Variants in TMEM239 observed in about 807,000 individuals in gnomAD.
The protein encoded by TMEM239 is transmembrane protein 239.
Under a neutral mutation model 14.6 loss-of-function variants are expected in TMEM239, and 10 were observed. That is an observed-to-expected ratio of 0.68 (90% CI 0.42 to 1.16). The LOEUF is 1.16. Among genes scored for constraint, TMEM239 ranks in the 50% most tolerant of loss-of-function variants. The pLI is 0.00. For synonymous variants in TMEM239, 94 were observed against 89.9 expected (o/e 1.05, Z -0.26); for missense variants, 183 against 194.4 (o/e 0.94, Z 0.35).
rs143915598 is a variant in TMEM239 at position 2,817,093 on chromosome 20, T to C, written c.*80T>C. The C allele has an allele frequency of 2.1e-3, 3,222 of 1,504,188 alleles. 4 individuals carry two copies. The highest frequency in any genetic ancestry group is 2.7e-3 in the Non-Finnish European group (2,984 of 1,126,026). 93.2% of individuals were successfully genotyped at this position (1,504,188 alleles called of 1,614,324 possible). A position where few individuals can be genotyped will look rare whatever the true frequency, so the allele number is the denominator to read the frequency against. On this transcript the variant is annotated 3_prime_UTR_variant, in exon 2 of 2. Transcript: ENST00000380585. ...GACCCCACGGGGAGAGGGAGGGCAATGGGATCAGGGCTCCCTGCCTTGGCA... is the reference window on the plus strand; with the variant it reads ...GACCCCACGGGGAGAGGGAGGGCAACGGGATCAGGGCTCCCTGCCTTGGCA...
rs2088692996 is a variant in TMEM239, at chr20:2,817,588, C to G, written c.*575C>G. On this transcript the variant is annotated 3_prime_UTR_variant, in exon 2 of 2. Transcript: ENST00000380585. Reference sequence around the variant, plus strand: ...CCTTGCAGCCCACGCATCCTCCTCCCTAGACTTCCTACTTCCTGCCTCAGT... The same window carrying G: ...CCTTGCAGCCCACGCATCCTCCTCCGTAGACTTCCTACTTCCTGCCTCAGT... The G allele has an allele frequency of 6.3e-6, 1 of 157,786 alleles. No homozygotes were observed. The highest frequency in any genetic ancestry group is 1.4e-5 in the Non-Finnish European group (1 of 71,510). 9.8% of individuals were successfully genotyped at this position (157,786 alleles called of 1,614,324 possible).
At chr20:2,815,944 G>C, upstream of TMEM239, 1 of 665,102 alleles carries the variant, frequency 1.5e-6, no homozygotes, top group Non-Finnish European at 2.6e-6. Flanking sequence ...CTGAGTCTTT[G>C]GGCAGCAAGA....
chr20:2,816,714 T>C lies in TMEM239; in HGVS notation c.160T>C (p.Trp54Arg), dbSNP rs1445833292. ...SWIQWWSTSN[W>R]RQPLQRLLWG... ...GATCCAGTGGTGGAGCACCTCGAACTGGCGGCAACCGCTGCAGCGCCTGCT... is the reference window on the plus strand; with the variant it reads ...GATCCAGTGGTGGAGCACCTCGAACCGGCGGCAACCGCTGCAGCGCCTGCT... The change falls in exon 2 of 2, where the codon TGG becomes CGG. Residue 54 changes from tryptophan (W) to arginine (R), a missense_variant. Physicochemically the swap from Trp to Arg is moderately radical, Grantham distance 101. Transcript: ENST00000380585. 3 of 1,547,718 alleles carry C rather than the reference T, an allele frequency of 1.9e-6. No individual in the cohort carries two copies. The East Asian group carries it at 7.3e-5, about 38-fold the overall frequency.
upstream of TMEM239, among the ~76,000 whole-genome samples, chr20:2,816,102 G>A (rs936645979): frequency 3.3e-5 from 5 of 152,170 alleles, no homozygotes; most frequent in African/African-American, 1.2e-4. Flanking sequence ...AGTTTGGAAA[G>A]GGGTGGATAT....
upstream of TMEM239, chr20:2,815,823 C>G: frequency 6.7e-7 from 1 of 1,498,324 alleles, no homozygotes. Flanking sequence ...AATGACCACC[C>G]TTCTTCATCA....
At chr20:2,816,481 C>G (rs546590294) in intron 1 of TMEM239, 63 bp from the exon 2 acceptor site, 1 of 1,493,186 alleles carries the variant, frequency 6.7e-7, no homozygotes, top group South Asian at 1.2e-5. Context: ...GACCCCTGCA[C>G]CCCCTCTCTG....
chr20:2,819,392 T>A (rs1288242614), downstream of TMEM239: 1 of 152,166 alleles, frequency 6.6e-6, no homozygotes, highest in Non-Finnish European at 1.5e-5. Flanking sequence ...TGATGGGCAA[T>A]ACTCATCAAA....
At chr20:2,818,593 C>T (rs2088700452), downstream of TMEM239, 1 of 152,308 alleles carries the variant, frequency 6.6e-6, no homozygotes, top group South Asian at 2.1e-4. Context: ...CTTTCTGTTT[C>T]TTTGTATTTC....
In TMEM239 at chr20:2,817,481, G is replaced by A. The variant is rs1476992884; in HGVS notation, c.*468G>A. Reference sequence around the variant, plus strand: ...ACTTCCAGGAGAACCACAGACTCTAGAGAGGGTCCCAGTGACAAAAATCTA... The same window carrying A: ...ACTTCCAGGAGAACCACAGACTCTAAAGAGGGTCCCAGTGACAAAAATCTA... On this transcript the variant is annotated 3_prime_UTR_variant, in exon 2 of 2. Coordinates refer to ENST00000380585, the MANE Select transcript of TMEM239 (RefSeq NM_001167670.3). The A allele has an allele frequency of 9.9e-6, 2 of 202,390 alleles. No homozygotes were observed. The highest frequency in any genetic ancestry group is 2.0e-5 in the Non-Finnish European group (2 of 98,928). The allele number at this position is 202,390 out of a possible 1,614,324, so 12.5% of individuals were successfully genotyped here.
downstream of TMEM239, chr20:2,820,196 G>A (rs2088709984): frequency 6.6e-6 from 1 of 150,378 alleles, no homozygotes; most frequent in Non-Finnish European, 1.5e-5. Flanking sequence ...TAAACAGAAT[G>A]GAATGGACAA....
upstream of TMEM239, chr20:2,815,817 A>G: frequency 2.6e-6 from 4 of 1,522,786 alleles, no homozygotes; most frequent in Non-Finnish European, 3.6e-6. Flanking sequence ...ATATACAATG[A>G]CCACCCTTCT....
chr20:2,817,605 T>TGC lies in TMEM239; in HGVS notation c.*593_*594dup, dbSNP rs2088693267. The stretch of plus-strand genomic sequence containing the variant: ...CCTCCTCCCTAGACTTCCTACTTCC[T>TGC]GCCTCAGTCTGCATCCCCAAGTCTG... On this transcript the variant is annotated 3_prime_UTR_variant, in exon 2 of 2. Coordinates refer to ENST00000380585, the MANE Select transcript of TMEM239 (RefSeq NM_001167670.3). The TGC allele has an allele frequency of 6.4e-6, 1 of 155,850 alleles. No homozygotes were observed. Among genetic ancestry groups the TGC allele is most frequent in the Non-Finnish European group, 1.4e-5 (1 of 70,438 alleles). 9.7% of individuals were successfully genotyped at this position (155,850 alleles called of 1,614,324 possible).
chr20:2,816,584 T>C lies in TMEM239; in HGVS notation c.30T>C (p.Asp10=). The C allele has an allele frequency of 6.0e-6, 9 of 1,508,140 alleles. No homozygotes were observed. Among genetic ancestry groups the C allele is most frequent in the Middle Eastern group, 1.7e-4 (1 of 5,850 alleles). The allele number at this position is 1,508,140 out of a possible 1,614,324, so 93.4% of individuals were successfully genotyped here. The change falls in exon 2 of 2, where the codon GAT becomes GAC. Residue 10 remains aspartate, a synonymous_variant. Coordinates refer to ENST00000380585, the MANE Select transcript of TMEM239 (RefSeq NM_001167670.3). The part of the protein sequence containing the change: MMQQPRVET[D]TIGAGEGPQQ... ...TGCAGCAGCCGCGAGTGGAGACAGA[T>C]ACCATCGGGGCTGGCGAGGGGCCAC...
upstream of TMEM239, chr20:2,815,852 C>A: frequency 7.7e-7 from 1 of 1,296,244 alleles, no homozygotes; most frequent in Admixed American, 1.8e-5. Flanking sequence ...TTTCTCCTTC[C>A]TGGCTGGGCA....
At chr20:2,816,296 C>T (rs1472622118), upstream of TMEM239, 24 of 1,521,902 alleles carry the variant, frequency 1.6e-5, no homozygotes, top group Admixed American at 1.2e-4. Context: ...CACCCCAGCC[C>T]GGGTCACAAA....
chr20:2,819,398 TCAAATTAGATC>T (rs1204744919), downstream of TMEM239: 3 of 152,126 alleles, frequency 2.0e-5, no homozygotes, highest in African/African-American at 7.2e-5. Flanking sequence ...GCAATACTCA[TCAAATTAGATC>T]CACATATACC....
downstream of TMEM239, chr20:2,819,371 G>A (rs1346368951): frequency 6.6e-6 from 1 of 152,222 alleles, no homozygotes; most frequent in Non-Finnish European, 1.5e-5. Context: ...GGTGCACCCA[G>A]ACTAGAGAGC....
Position 2,816,538 on chromosome 20 carries a change from C to T in TMEM239, c.-11-6C>T. On this transcript the variant is annotated splice_region_variant and splice_polypyrimidine_tract_variant and intron_variant, in intron 1 of 1. Coordinates refer to ENST00000380585, the MANE Select transcript of TMEM239 (RefSeq NM_001167670.3). ...GGCATCTTCAAGACCCTGGCCCTCT[C>T]CCCAGGTGCACCAGACATGATGCAG... is the stretch of plus-strand genomic sequence containing the variant. The T allele has an allele frequency of 2.0e-6, 3 of 1,535,250 alleles. No homozygotes were observed. Among genetic ancestry groups the T allele is most frequent in the Non-Finnish European group, 1.7e-6 (2 of 1,146,654 alleles).
In TMEM239 at chr20:2,817,021, A is replaced by G. The variant is rs1419547215; in HGVS notation, c.*8A>G. On this transcript the variant is annotated 3_prime_UTR_variant, in exon 2 of 2. Transcript: ENST00000380585. ...CAGGATTTGGATCAATAGAAGGGCA[A>G]CCCCATCCCACTGCCTGTGTCTGTT... The G allele has an allele frequency of 1.3e-6, 2 of 1,537,558 alleles. No homozygotes were observed. The highest frequency in any genetic ancestry group is 2.7e-5 in the African/African-American group (2 of 72,994).
Sources: gnomAD v4.1 joint callset for allele counts (sites outside exome capture counted in the v4.1 genomes callset) on GRCh38, gnomAD v4.1.1 for gene constraint, MANE v1.5 for transcripts, NCBI Gene and HGNC (gene_info 2026-07-23, HGNC 2026-07-21) for gene names.